Variants in XKR6 observed in about 807,000 individuals in gnomAD.
The protein encoded by XKR6 is XK-related protein 6.
A neutral mutation model predicts 56.7 loss-of-function variants in XKR6; 22 were observed. That is an observed-to-expected ratio of 0.39 (90% CI 0.28 to 0.55). The LOEUF is 0.55. XKR6 is among the 20% of genes least tolerant of loss of function. XKR6 has a pLI of 0.66. For synonymous variants in XKR6, 524 were observed against 387.8 expected (o/e 1.35, Z -4.13); for missense variants, 852 against 889.0 (o/e 0.96, Z 0.53).
chr8:11,072,559 A>C (rs17723229), intron 1 of XKR6, among the ~76,000 whole-genome samples: 88,619 of 152,198 alleles, frequency 0.58, 29,437 homozygotes, highest in African/African-American at 0.89. Context: ...GATGAAGCCA[A>C]AAGTCCACAC....
At chr8:11,078,594 C>G (rs1474945866) in intron 1 of XKR6, among the ~76,000 whole-genome samples, 1 of 152,144 alleles carries the variant, frequency 6.6e-6, no homozygotes, top group East Asian at 1.9e-4. Flanking sequence ...AGAGTGGCAG[C>G]CTTGACAGGA....
At chr8:11,000,694 TA>T (rs950665928) in intron 1 of XKR6, among the ~76,000 whole-genome samples, 5 of 151,986 alleles carry the variant, frequency 3.3e-5, no homozygotes, top group African/African-American at 1.2e-4. Context: ...CAAAAATAAA[TA>T]AATAAAAATA....
chr8:11,061,090 G>A (rs1346415670), intron 1 of XKR6, among the ~76,000 whole-genome samples: 1 of 152,136 alleles, frequency 6.6e-6, no homozygotes, highest in African/African-American at 2.4e-5. Context: ...GAAACAGCTG[G>A]GACACAGCAC....
At chr8:11,150,146 G>C (rs1209571544) in intron 1 of XKR6, among the ~76,000 whole-genome samples, 2 of 152,142 alleles carry the variant, frequency 1.3e-5, no homozygotes, top group African/African-American at 4.8e-5. Context: ...GTTAGAAGGT[G>C]TAAGTTCCAA....
chr8:10,912,267 G>A (rs1586295922), intron 2 of XKR6, among the ~76,000 whole-genome samples: 2 of 116,300 alleles, frequency 1.7e-5, no homozygotes, highest in African/African-American at 3.2e-5. Flanking sequence ...TATATATACA[G>A]AGAGAAATGG....
intron 1 of XKR6, among the ~76,000 whole-genome samples, chr8:11,093,932 C>T (rs761534743): frequency 6.6e-5 from 10 of 151,738 alleles, no homozygotes; most frequent in East Asian, 5.8e-4. Flanking sequence ...TACAGGTGTC[C>T]GCCACCACGC....
intron 1 of XKR6, among the ~76,000 whole-genome samples, chr8:11,064,264 G>A (rs555984779): frequency 6.6e-6 from 1 of 152,150 alleles, no homozygotes; most frequent in African/African-American, 2.4e-5. Flanking sequence ...CTTTCAGCTA[G>A]GAAAGAGAGG....
intron 1 of XKR6, among the ~76,000 whole-genome samples, chr8:11,020,740 G>A (rs1413648256): frequency 6.6e-6 from 1 of 152,156 alleles, no homozygotes; most frequent in Non-Finnish European, 1.5e-5. Context: ...CCTAATATGA[G>A]GGTCTAGAAT....
At chr8:11,193,391 G>C (rs1803690206) in intron 1 of XKR6, among the ~76,000 whole-genome samples, 1 of 152,082 alleles carries the variant, frequency 6.6e-6, no homozygotes, top group African/African-American at 2.4e-5. Context: ...TATGTTTTGA[G>C]CTATATTAAA....
At position 10,898,970 on chromosome 8, in the gene XKR6, G is replaced by T; in HGVS notation, c.962-54C>A. 6.6e-7 allele frequency: 1 copy of T among 1,524,148 alleles called. No individual in the cohort carries two copies. The highest frequency in any genetic ancestry group is 8.7e-7 in the Non-Finnish European group (1 of 1,143,344). The allele number at this position is 1,524,148 out of a possible 1,614,324, so 94.4% of individuals were successfully genotyped here. The stretch of plus-strand genomic sequence containing the variant: ...CAAAACCTTGGACATCAACCGCAGG[G>T]CACAGTGAAGCTGCCGGCTGAGGAG... On this transcript the variant is annotated intron_variant, in intron 2 of 2. Coordinates refer to ENST00000416569, the MANE Select transcript of XKR6 (RefSeq NM_173683.4). The surrounding 1 kb of genome is among the most constrained non-coding windows in gnomAD (Gnocchi z 6.6).
intron 1 of XKR6, among the ~76,000 whole-genome samples, chr8:10,953,386 TC>T (rs1348175259): frequency 1.3e-5 from 2 of 152,062 alleles, no homozygotes; most frequent in African/African-American, 4.8e-5. Context: ...AGATGCCTGC[TC>T]CCCCTTGGCC....
At chr8:10,997,407 A>T (rs1262115853) in intron 1 of XKR6, among the ~76,000 whole-genome samples, 1 of 152,202 alleles carries the variant, frequency 6.6e-6, no homozygotes, top group Non-Finnish European at 1.5e-5. Flanking sequence ...ATAGCCAACA[A>T]ATAGGGCAGC....
chr8:11,042,660 A>C (rs941560083), intron 1 of XKR6, among the ~76,000 whole-genome samples: 1 of 152,256 alleles, frequency 6.6e-6, no homozygotes, highest in African/African-American at 2.4e-5. Flanking sequence ...TCCCAAATCC[A>C]AAAATCCCAA....
chr8:11,009,556 G>A (rs75906774), intron 1 of XKR6, among the ~76,000 whole-genome samples: 1 of 152,174 alleles, frequency 6.6e-6, no homozygotes, highest in Non-Finnish European at 1.5e-5. Flanking sequence ...GTTTGATGGA[G>A]ATAGCATGAG....
chr8:11,135,642 C>A (rs1378396047), intron 1 of XKR6, among the ~76,000 whole-genome samples: 1 of 151,302 alleles, frequency 6.6e-6, no homozygotes, highest in African/African-American at 2.4e-5. Flanking sequence ...AACAGAGGAA[C>A]AGAAAATGGG....
intron 1 of XKR6, among the ~76,000 whole-genome samples, chr8:10,926,207 G>A (rs1219743111): frequency 6.6e-6 from 1 of 152,174 alleles, no homozygotes; most frequent in East Asian, 1.9e-4. Context: ...TTCTGTCACT[G>A]CCACAACACC....
chr8:11,047,591 A>G (rs373687777), intron 1 of XKR6, among the ~76,000 whole-genome samples: 1 of 152,192 alleles, frequency 6.6e-6, no homozygotes, highest in African/African-American at 2.4e-5. Context: ...AGAGACAGAA[A>G]GTAGAATGAG....
rs57838606 is a variant in XKR6 at position 10,911,339 on chromosome 8, A to ATG, written c.962-12425_962-12424dup. ...AGGGTGAGTATATATATATATATATATGTGTGTGTGTGTGTGTATATATAT... is the reference window on the plus strand; with the variant it reads ...AGGGTGAGTATATATATATATATATATGTGTGTGTGTGTGTGTGTATATATAT... On this transcript the variant is annotated intron_variant, in intron 2 of 2. Transcript: ENST00000416569. Among the ~76,000 whole-genome samples, 438 of 111,948 alleles carry ATG rather than the reference A, an allele frequency of 3.9e-3. 1 individual carries two copies. The highest frequency in any genetic ancestry group is 0.017 in the East Asian group (72 of 4,196). The allele number at this position is 111,948 out of a possible 152,430, so 73.4% of individuals were successfully genotyped here.
intron 1 of XKR6, among the ~76,000 whole-genome samples, chr8:10,994,752 G>A (rs73662662): frequency 0.13 from 19,885 of 152,180 alleles, 1,459 homozygotes; most frequent in African/African-American, 0.2. Context: ...AAACTAACTC[G>A]GGACTTTAGC....
Sources: gnomAD v4.1 joint callset for allele counts (sites outside exome capture counted in the v4.1 genomes callset) on GRCh38, gnomAD v4.1.1 for gene constraint, Gnocchi (gnomAD v3.1) non-coding constraint, MANE v1.5 for transcripts, NCBI Gene and HGNC (gene_info 2026-07-23, HGNC 2026-07-21) for gene names.